Variants in CNTN5 observed in about 807,000 individuals in gnomAD.
The protein encoded by CNTN5 is contactin 5.
CNTN5 carries 77 observed loss-of-function variants against 129.1 expected under a neutral mutation model. That is an observed-to-expected ratio of 0.60 (90% CI 0.50 to 0.72). The LOEUF is 0.72. Among genes scored for constraint, CNTN5 ranks in the 30% least tolerant of loss-of-function variants. The pLI is 0.00. For missense variants in CNTN5, 1,478 were observed against 1,328.8 expected, an observed-to-expected ratio of 1.11 and a Z score of -1.75; for synonymous variants, 509 against 465.6, an observed-to-expected ratio of 1.09 and a Z score of -1.20.
chr11:99,267,604 A>G (rs1166115381), intron 1 of CNTN5, among the ~76,000 whole-genome samples: 1 of 151,960 alleles, frequency 6.6e-6, no homozygotes, highest in Non-Finnish European at 1.5e-5. Flanking sequence ...AAGCAAATCT[A>G]TTTCTAACCC....
intron 8 of CNTN5, among the ~76,000 whole-genome samples, chr11:99,998,582 A>G (rs2137454197): frequency 7.2e-6 from 1 of 137,980 alleles, no homozygotes; most frequent in East Asian, 2.4e-4. Flanking sequence ...CATACTGCCC[A>G]AGGTAATTTA....
intron 3 of CNTN5, among the ~76,000 whole-genome samples, chr11:99,677,883 C>A (rs1953362155): frequency 6.6e-6 from 1 of 152,022 alleles, no homozygotes; most frequent in Admixed American, 6.6e-5. Context: ...TTACTGTTTT[C>A]TAAACATACC....
At chr11:99,361,553 G>A (rs4306271) in intron 2 of CNTN5, among the ~76,000 whole-genome samples, 90,056 of 151,852 alleles carry the variant, frequency 0.59, 28,849 homozygotes, top group African/African-American at 0.86. Context: ...GCATTAGTTT[G>A]CTCATAATGT....
intron 9 of CNTN5, among the ~76,000 whole-genome samples, chr11:100,019,175 G>T (rs111678066): frequency 6.6e-6 from 1 of 151,722 alleles, no homozygotes; most frequent in East Asian, 1.9e-4. Flanking sequence ...TCAATTTTTT[G>T]TGGGGATTGA....
At chr11:100,298,781 G>C (rs147184567) in intron 19 of CNTN5, among the ~76,000 whole-genome samples, 4 of 150,710 alleles carry the variant, frequency 2.7e-5, no homozygotes, top group South Asian at 2.1e-4. Context: ...TGGTCTAAAG[G>C]GTTCTGCAGA....
intron 2 of CNTN5, among the ~76,000 whole-genome samples, chr11:99,535,298 C>A (rs1214735841): frequency 6.6e-6 from 1 of 152,058 alleles, no homozygotes; most frequent in Non-Finnish European, 1.5e-5. Context: ...TGGACTAATA[C>A]ATGGAAAATT....
rs559004709 is a variant in CNTN5 at position 99,544,582 on chromosome 11, T to G, written c.-70-11563T>G. 3.9e-5 allele frequency among the ~76,000 whole-genome samples: 6 copies of G among 152,324 alleles called. No individual in the cohort carries two copies. In the South Asian group the frequency reaches 1.2e-3, roughly 32 times the overall value. The stretch of plus-strand genomic sequence containing the variant: ...TTCTGAAATAAACAGTATTAAGAAT[T>G]TTTAAAGCCATTTAACTAACAGAAA... On this transcript the variant is annotated intron_variant, in intron 2 of 24. Coordinates refer to ENST00000524871, the MANE Select transcript of CNTN5 (RefSeq NM_014361.4).
At chr11:99,567,958 T>C (rs1183228958) in intron 3 of CNTN5, among the ~76,000 whole-genome samples, 1 of 152,140 alleles carries the variant, frequency 6.6e-6, no homozygotes, top group Non-Finnish European at 1.5e-5. Context: ...CACAAATTCC[T>C]GGGGTGATAT....
At chr11:99,217,378 G>A (rs931590768) in intron 1 of CNTN5, among the ~76,000 whole-genome samples, 1 of 152,140 alleles carries the variant, frequency 6.6e-6, no homozygotes, top group Non-Finnish European at 1.5e-5. Flanking sequence ...ACAATAATGA[G>A]ATATCATCTC....
chr11:99,947,715 G>C (rs1368802023), intron 7 of CNTN5, among the ~76,000 whole-genome samples: 1 of 152,036 alleles, frequency 6.6e-6, no homozygotes, highest in African/African-American at 2.4e-5. Flanking sequence ...CAACTCTAGA[G>C]GGTTTTGTCC....
At chr11:99,180,200 TATA>T (rs1160680908) in intron 1 of CNTN5, among the ~76,000 whole-genome samples, 3 of 152,116 alleles carry the variant, frequency 2.0e-5, no homozygotes, top group East Asian at 1.9e-4. Flanking sequence ...AAGCAAATGA[TATA>T]ATAATAAGCA....
intron 1 of CNTN5, among the ~76,000 whole-genome samples, chr11:99,080,574 G>A (rs920488943): frequency 8.5e-5 from 13 of 152,134 alleles, no homozygotes; most frequent in Non-Finnish European, 1.8e-4. Context: ...CTCAGTATGA[G>A]GAAAGATTTA....
At chr11:99,040,051 A>T (rs892038303) in intron 1 of CNTN5, among the ~76,000 whole-genome samples, 4 of 152,158 alleles carry the variant, frequency 2.6e-5, no homozygotes, top group African/African-American at 9.7e-5. Flanking sequence ...GATAAAAACA[A>T]TTACCTAGCA....
chr11:99,903,453 G>A (rs938869212), intron 6 of CNTN5, among the ~76,000 whole-genome samples: 1 of 152,054 alleles, frequency 6.6e-6, no homozygotes, highest in Admixed American at 6.6e-5. Context: ...TGAAAATGCA[G>A]TTATCAGGTT....
At chr11:99,971,958 C>CA (rs888889176) in intron 8 of CNTN5, among the ~76,000 whole-genome samples, 132 of 147,940 alleles carry the variant, frequency 8.9e-4, no homozygotes, top group African/African-American at 2.1e-3. Context: ...GAAAAAAAAA[C>CA]AAAAAAAACG....
At chr11:100,194,935 A>C (rs1341442136) in intron 15 of CNTN5, among the ~76,000 whole-genome samples, 1 of 151,986 alleles carries the variant, frequency 6.6e-6, no homozygotes, top group Non-Finnish European at 1.5e-5. Flanking sequence ...AATAAGAAAC[A>C]ATTGCCAACT....
chr11:99,271,767 G>A (rs546923791), intron 1 of CNTN5, among the ~76,000 whole-genome samples: 7 of 151,766 alleles, frequency 4.6e-5, no homozygotes, highest in Non-Finnish European at 1.0e-4. Flanking sequence ...GCCCTTAGTC[G>A]CTTGCCACAT....
intron 6 of CNTN5, among the ~76,000 whole-genome samples, chr11:99,903,415 G>A (rs986844222): frequency 7.9e-5 from 12 of 151,638 alleles, no homozygotes; most frequent in African/African-American, 2.7e-4. Flanking sequence ...GATTGGATTT[G>A]CAAAGGGAAA....
intron 3 of CNTN5, among the ~76,000 whole-genome samples, chr11:99,711,236 T>C (rs918049770): frequency 6.6e-6 from 1 of 151,940 alleles, no homozygotes; most frequent in Non-Finnish European, 1.5e-5. Context: ...ATAGATGATA[T>C]TTATAAATTT....
Sources: gnomAD v4.1 joint callset for allele counts (sites outside exome capture counted in the v4.1 genomes callset) on GRCh38, gnomAD v4.1.1 for gene constraint, MANE v1.5 for transcripts, NCBI Gene and HGNC (gene_info 2026-07-23, HGNC 2026-07-21) for gene names.